The following BRD4 variants were observed in gnomAD, a reference collection of about 807,000 sequenced individuals.
The protein encoded by BRD4 is bromodomain-containing protein 4.
Under a neutral mutation model 142.1 loss-of-function variants are expected in BRD4, and 16 were observed. The observed-to-expected ratio is 0.11, with a 90% CI of 0.08 to 0.17. BRD4 has a LOEUF of 0.17. Ranked by LOEUF, BRD4 falls within the 10% of genes least tolerant of loss-of-function variation. The probability of loss-of-function intolerance (pLI) is 1.00; values close to 1 mark genes in which losing one functional copy is unlikely to be tolerated. For synonymous variants in BRD4, 833 were observed against 707.5 expected, an observed-to-expected ratio of 1.18 and a Z score of -2.82; for missense variants, 1,424 against 1,810.9, an observed-to-expected ratio of 0.79 and a Z score of 3.88.
At chr19:15,258,939 GGAA>G (rs1404673806) in intron 7 of BRD4, among the ~76,000 whole-genome samples, 1 of 152,212 alleles carries the variant, frequency 6.6e-6, no homozygotes, top group Non-Finnish European at 1.5e-5. Context: ...TCTGAGACAA[GGAA>G]GAAGATACAC....
intron 1 of BRD4, among the ~76,000 whole-genome samples, chr19:15,288,564 C>CCCT (rs2047757450): frequency 6.6e-6 from 1 of 152,238 alleles, no homozygotes; most frequent in Non-Finnish European, 1.5e-5. Flanking sequence ...CCCATCCACA[C>CCCT]CCTCCGCTGG....
rs187407345 is a variant in BRD4, at chr19:15,258,559, C to T, written c.1342-1386G>A. 2.4e-3 allele frequency among the ~76,000 whole-genome samples: 365 copies of T among 152,206 alleles called. 1 individual carries two copies. Among genetic ancestry groups the T allele is most frequent in the Non-Finnish European group, 3.8e-3 (258 of 68,012 alleles). On this transcript the variant is annotated intron_variant, in intron 7 of 19. Transcript: ENST00000679869. ...ACAGCCTCCCAAAGGGTTGGGATGACCAGCGTGAGCCACTGCGCCTGGCCC... is the reference window on the plus strand; with the variant it reads ...ACAGCCTCCCAAAGGGTTGGGATGATCAGCGTGAGCCACTGCGCCTGGCCC...
intron 11 of BRD4, among the ~76,000 whole-genome samples, chr19:15,251,534 G>A (rs1004192800): frequency 2.9e-5 from 4 of 135,798 alleles, no homozygotes; most frequent in South Asian, 2.3e-4. Flanking sequence ...ACCCACTCCC[G>A]TTAAGGCAGA....
intron 9 of BRD4, 90 bp from the exon 10 acceptor site, chr19:15,255,682 G>A: frequency 2.1e-6 from 3 of 1,451,284 alleles, no homozygotes; most frequent in Admixed American, 2.2e-5. Context: ...GGGGGAAGGG[G>A]TGCCCTTCCC....
chr19:15,296,615 G>A lies in BRD4; in HGVS notation c.-34-23482C>T, dbSNP rs564612716. ...GTGGCGCGGAGAGTAAACTATGGCC[G>A]CTGAAGTGGACAGGGAGCCAAAAGG... On this transcript the variant is annotated intron_variant, in intron 1 of 19. Transcript: ENST00000679869. Among the ~76,000 whole-genome samples the A allele has an allele frequency of 2.0e-5, 3 of 152,264 alleles. No individual in the cohort carries two copies. The East Asian group carries it at 5.8e-4, about 29-fold the overall frequency.
intron 1 of BRD4, among the ~76,000 whole-genome samples, chr19:15,320,982 C>A (rs979688835): frequency 2.0e-5 from 3 of 152,192 alleles, no homozygotes; most frequent in Admixed American, 2.0e-4. Flanking sequence ...GCCTGTAATC[C>A]CAACACTTTG....
At chr19:15,327,692 G>A (rs1007838913) in intron 1 of BRD4, among the ~76,000 whole-genome samples, 5 of 152,090 alleles carry the variant, frequency 3.3e-5, no homozygotes, top group African/African-American at 1.2e-4. Context: ...GTATCATTCA[G>A]TTATAAAAAG....
chr19:15,327,707 G>T (rs1017856859), intron 1 of BRD4, among the ~76,000 whole-genome samples: 1 of 152,058 alleles, frequency 6.6e-6, no homozygotes, highest in Non-Finnish European at 1.5e-5. Flanking sequence ...AAAAAGGAAT[G>T]AAGTACTGAT....
In BRD4 at chr19:15,242,980, G is replaced by T. The variant is rs1158865535; in HGVS notation, c.3089C>A (p.Pro1030Gln). The T allele has an allele frequency of 1.3e-6, 2 of 1,586,458 alleles. No homozygotes were observed. Among genetic ancestry groups the T allele is most frequent in the African/African-American group, 2.7e-5 (2 of 73,476 alleles). ...TTGCTGAGGCTTGGCAGGCTGCGGC[G>T]GGGGTGGCTGCTGGCCTGGGGGCGG... ...PHPPPGQQPP[P>Q]PQPAKPQQVI... Residue 1030 changes from proline to glutamine, a missense_variant, in exon 14 of 20, where the codon CCG becomes CAG. Around this residue, in one of 16 missense-constraint regions of BRD4, gnomAD observed 598 missense variants for 647.8 expected, o/e 0.92. Transcript: ENST00000679869.
At chr19:15,331,801 T>C (rs2270130) in intron 1 of BRD4, 1 of 149,214 alleles carries the variant, frequency 6.7e-6, no homozygotes, top group Non-Finnish European at 1.5e-5. Context: ...CCGGGACAGC[T>C]GCGCTCGCGG....
chr19:15,310,161 A>C lies in BRD4; in HGVS notation c.-35+22129T>G, dbSNP rs373316381. Among the ~76,000 whole-genome samples, 225 of 150,546 alleles carry C rather than the reference A, an allele frequency of 1.5e-3. 3 individuals are homozygous for C. The highest frequency in any genetic ancestry group is 5.4e-3 in the African/African-American group (221 of 41,050). On this transcript the variant is annotated intron_variant, in intron 1 of 19. Transcript: ENST00000679869. Reference sequence around the variant, plus strand: ...GAGTGAGAAGCCCACTGATAGGATGAGTCCCCTGGGAGCTGATGAAAGGGT... The same window carrying C: ...GAGTGAGAAGCCCACTGATAGGATGCGTCCCCTGGGAGCTGATGAAAGGGT...
intron 1 of BRD4, among the ~76,000 whole-genome samples, chr19:15,318,090 C>G (rs1346006753): frequency 6.6e-6 from 1 of 152,216 alleles, no homozygotes; most frequent in Non-Finnish European, 1.5e-5. Flanking sequence ...AGAACTCTTT[C>G]ACGCACATGA....
At chr19:15,270,235 T>C (rs1463017582) in intron 2 of BRD4, among the ~76,000 whole-genome samples, 1 of 152,208 alleles carries the variant, frequency 6.6e-6, no homozygotes, top group Non-Finnish European at 1.5e-5. Context: ...GGGATGGTAG[T>C]GGACAGCGTT....
rs1172216800 is a variant in BRD4, at chr19:15,264,436, T to C, written c.1180A>G (p.Ile394Val). Reference sequence around the variant, plus strand: ...GTGCTCATGTCCATGGGGTGCTTGATGATGTCACAGTAGTCGTGTAGGCCC... The same window carrying C: ...GTGCTCATGTCCATGGGGTGCTTGACGATGTCACAGTAGTCGTGTAGGCCC... ...ALGLHDYCDIIKHPMDMSTIK... is the reference protein window; with the variant it reads ...ALGLHDYCDIVKHPMDMSTIK... Residue 394 changes from isoleucine (I) to valine (V), a missense_variant, in exon 6 of 20, where the codon ATC (isoleucine) becomes GTC (valine). Around this residue, in one of 16 missense-constraint regions of BRD4, gnomAD observed 30 missense variants for 65.2 expected, o/e 0.46. Transcript: ENST00000679869. 4 of 1,611,588 alleles carry C rather than the reference T, an allele frequency of 2.5e-6. No individual in the cohort carries two copies. The African/African-American group carries it at 5.3e-5, about 22-fold the overall frequency.
chr19:15,238,220 C>T lies in BRD4; in HGVS notation c.*157G>A. On this transcript the variant is annotated 3_prime_UTR_variant, in exon 20 of 20. Transcript: ENST00000679869. The surrounding 1 kb of genome is among the most constrained non-coding windows in gnomAD (Gnocchi z 7.2). ...CGTAAGGCAGACAGGCTCTGCAATC[C>T]TCAGCTGCCCGTCAGGCCTGCCCCG... 1.6e-6 allele frequency: 2 copies of T among 1,242,774 alleles called. No individual in the cohort carries two copies. The highest frequency in any genetic ancestry group is 1.5e-5 in the African/African-American group (1 of 65,650). The allele number at this position is 1,242,774 out of a possible 1,614,324, so 77.0% of individuals were successfully genotyped here. A position where few individuals can be genotyped will look rare whatever the true frequency, so the allele number is the denominator to read the frequency against.
At chr19:15,314,695 CAG>C (rs1329991729) in intron 1 of BRD4, among the ~76,000 whole-genome samples, 1 of 152,196 alleles carries the variant, frequency 6.6e-6, no homozygotes, top group Non-Finnish European at 1.5e-5. Flanking sequence ...CCTGTCAAAA[CAG>C]GGTGACAACA....
At chr19:15,319,693 AG>A (rs1265112784) in intron 1 of BRD4, among the ~76,000 whole-genome samples, 10 of 152,196 alleles carry the variant, frequency 6.6e-5, no homozygotes, top group African/African-American at 2.4e-4. Flanking sequence ...GCACTTTAGG[AG>A]GCCTAAGCAG....
At chr19:15,259,948 C>T (rs2047451514) in intron 7 of BRD4, among the ~76,000 whole-genome samples, 1 of 152,240 alleles carries the variant, frequency 6.6e-6, no homozygotes, top group Non-Finnish European at 1.5e-5. Flanking sequence ...CGAGGCAAGC[C>T]TCTCACAAGG....
At chr19:15,249,564 G>T (rs2047322816) in intron 11 of BRD4, among the ~76,000 whole-genome samples, 1 of 152,198 alleles carries the variant, frequency 6.6e-6, no homozygotes, top group Non-Finnish European at 1.5e-5. Context: ...GAGTGGCCCT[G>T]GTTCCCACTA....
Sources: gnomAD v4.1 joint callset for allele counts (sites outside exome capture counted in the v4.1 genomes callset) on GRCh38, gnomAD v4.1.1 for gene constraint, gnomAD v4.1.1 regional missense constraint, Gnocchi (gnomAD v3.1) non-coding constraint, MANE v1.5 for transcripts, NCBI Gene and HGNC (gene_info 2026-07-23, HGNC 2026-07-21) for gene names.